CFAP221: variants seen among roughly 807,000 people sequenced by gnomAD.
CFAP221 encodes cilia- and flagella-associated protein 221.
Under a neutral mutation model 113.1 loss-of-function variants are expected in CFAP221, and 97 were observed. That is an observed-to-expected ratio of 0.86 (90% CI 0.73 to 1.02). The LOEUF (loss-of-function observed/expected upper bound fraction) is 1.02. Ranked by LOEUF, CFAP221 falls within the 50% of genes least tolerant of loss-of-function variation. The pLI, the probability that CFAP221 is intolerant of heterozygous loss-of-function variation, is 0.00. For synonymous variants in CFAP221, 331 were observed against 354.4 expected, an observed-to-expected ratio of 0.93 and a Z score of 0.74; for missense variants, 1,025 against 1,013.4, an observed-to-expected ratio of 1.01 and a Z score of -0.16.
chr2:119,564,243 G>A (rs941843433), intron 6 of CFAP221, among the ~76,000 whole-genome samples: 1 of 152,142 alleles, frequency 6.6e-6, no homozygotes, highest in African/African-American at 2.4e-5. Flanking sequence ...GTCCTTGAAT[G>A]GAACTCCAAA....
chr2:119,632,061 C>T (rs973979290), intron 19 of CFAP221, among the ~76,000 whole-genome samples: 1 of 152,088 alleles, frequency 6.6e-6, no homozygotes, highest in Non-Finnish European at 1.5e-5. Flanking sequence ...GAGGCCTTCA[C>T]TAGGGAATTC....
intron 3 of CFAP221, among the ~76,000 whole-genome samples, chr2:119,551,985 T>C (rs1202720102): frequency 6.6e-6 from 1 of 152,146 alleles, no homozygotes; most frequent in Non-Finnish European, 1.5e-5. Flanking sequence ...TTCCTCAGAA[T>C]TACATAGTTA....
Position 119,641,908 on chromosome 2 carries a change from G to A in CFAP221, c.2225+2036G>A, listed in dbSNP as rs192151220. Among the ~76,000 whole-genome samples, 14 of 152,258 alleles carry A rather than the reference G, an allele frequency of 9.2e-5. No homozygotes were observed. In the East Asian group the frequency reaches 2.3e-3, roughly 25 times the overall value. The stretch of plus-strand genomic sequence containing the variant: ...GAGGAATGGTGAGAAGTGGCGACCC[G>A]CTGACCATGTCCACCCGTTGTCAGC... On this transcript the variant is annotated intron_variant, in intron 21 of 23. Coordinates refer to ENST00000413369, the MANE Select transcript of CFAP221 (RefSeq NM_001271049.2).
intron 7 of CFAP221, among the ~76,000 whole-genome samples, chr2:119,592,094 C>T (rs1337489212): frequency 1.3e-5 from 2 of 151,614 alleles, no homozygotes; most frequent in African/African-American, 4.8e-5. Flanking sequence ...ATATCATGAA[C>T]ATTTATCCCT....
chr2:119,608,407 C>G (rs1684920782), intron 11 of CFAP221, 95 bp from the exon 12 acceptor site: 3 of 924,686 alleles, frequency 3.2e-6, no homozygotes, highest in African/African-American at 3.3e-5. Context: ...CTCAGGGTTC[C>G]TTTTCAGTTT....
At chr2:119,624,336 GTT>G (rs2104742680) in intron 14 of CFAP221, among the ~76,000 whole-genome samples, 1 of 152,332 alleles carries the variant, frequency 6.6e-6, no homozygotes, top group East Asian at 1.9e-4. Context: ...TCTCACGCCA[GTT>G]AGAATGGCAA....
intron 16 of CFAP221, among the ~76,000 whole-genome samples, chr2:119,629,575 G>A (rs1686620207): frequency 6.6e-6 from 1 of 152,196 alleles, no homozygotes; most frequent in Admixed American, 6.5e-5. Flanking sequence ...CTACACTCCT[G>A]GCAGCTAGGG....
At chr2:119,630,360 C>T (rs1390115922) in intron 17 of CFAP221, among the ~76,000 whole-genome samples, 2 of 152,186 alleles carry the variant, frequency 1.3e-5, no homozygotes, top group Non-Finnish European at 2.9e-5. Flanking sequence ...CATGAACACT[C>T]ATGTGTGCTG....
At chr2:119,573,999 C>A (rs956256865) in intron 6 of CFAP221, among the ~76,000 whole-genome samples, 1 of 152,160 alleles carries the variant, frequency 6.6e-6, no homozygotes, top group African/African-American at 2.4e-5. Context: ...TTGGGTTATT[C>A]TTTTCAAAAT....
Position 119,605,304 on chromosome 2 carries a change from ATTGT to A in CFAP221, c.1133+20_1133+23del, listed in dbSNP as rs1374116090. ...CATCTTAAGTGGTAAATATTGAGCA[ATTGT>A]TTGTATCAAGTGTCAGTACAGTTAT... On this transcript the variant is annotated intron_variant, in intron 11 of 23. Coordinates refer to ENST00000413369, the MANE Select transcript of CFAP221 (RefSeq NM_001271049.2). 1 of 1,579,310 alleles carries A rather than the reference ATTGT, an allele frequency of 6.3e-7. No individual in the cohort carries two copies.
intron 19 of CFAP221, among the ~76,000 whole-genome samples, chr2:119,636,964 C>T (rs558151517): frequency 6.6e-6 from 1 of 152,254 alleles, no homozygotes; most frequent in South Asian, 2.1e-4. Context: ...TTCACATGCC[C>T]TCAGTCAACC....
chr2:119,580,443 G>C (rs1682770557), intron 6 of CFAP221: 1 of 152,198 alleles, frequency 6.6e-6, no homozygotes, highest in South Asian at 2.1e-4. Flanking sequence ...TCCTCTCAAA[G>C]AGACATCATA....
chr2:119,555,777 T>C (rs1271867223), intron 3 of CFAP221, among the ~76,000 whole-genome samples: 3 of 152,222 alleles, frequency 2.0e-5, no homozygotes, highest in African/African-American at 7.2e-5. Flanking sequence ...ACCAGGTCAC[T>C]GTGTCTTCAT....
chr2:119,546,720 G>A (rs1177895734), intron 2 of CFAP221, among the ~76,000 whole-genome samples: 1 of 152,152 alleles, frequency 6.6e-6, no homozygotes, highest in African/African-American at 2.4e-5. Flanking sequence ...TGTCCACCCA[G>A]CACCATCCCC....
Position 119,587,190 on chromosome 2 carries a change from C to T in CFAP221, c.599C>T (p.Ser200Phe), listed in dbSNP as rs1574067349. The change falls in exon 7 of 24, where the codon TCT (serine) becomes TTT (phenylalanine). Residue 200 changes from serine (S) to phenylalanine (F), a missense_variant. Physicochemically the swap from Ser to Phe is radical, Grantham distance 155 (BLOSUM62 -2). Coordinates refer to ENST00000413369, the MANE Select transcript of CFAP221 (RefSeq NM_001271049.2). Reference protein sequence around the residue: ...DFEFYITLIQSHQAFAIEPTS... With the variant: ...DFEFYITLIQFHQAFAIEPTS... The stretch of plus-strand genomic sequence containing the variant: ...GAGTTTTATATCACCTTGATTCAGT[C>T]TCATCAAGCCTTTGCTATTGAGCCA... 6.5e-7 allele frequency: 1 copy of T among 1,531,732 alleles called. No individual in the cohort carries two copies. The highest frequency in any genetic ancestry group is 1.2e-5 in the South Asian group (1 of 83,154). 94.9% of individuals were successfully genotyped at this position (1,531,732 alleles called of 1,614,324 possible).
At chr2:119,595,421 T>A in intron 7 of CFAP221, among the ~76,000 whole-genome samples, 1 of 152,234 alleles carries the variant, frequency 6.6e-6, no homozygotes, top group East Asian at 1.9e-4. Flanking sequence ...TTTTTTTTCC[T>A]TACCATTTTT....
At position 119,575,153 on chromosome 2, in the gene CFAP221, G is replaced by GT. The variant is rs1682349751; in HGVS notation, c.528-11961dup. Reference sequence around the variant, plus strand: ...ACTCTAAGAGAAAAGGCTAGCAGCAGTTTTTAGTGTGTCCTCTTATCTTTC... The same window carrying GT: ...ACTCTAAGAGAAAAGGCTAGCAGCAGTTTTTTAGTGTGTCCTCTTATCTTTC... On this transcript the variant is annotated intron_variant, in intron 6 of 23. Transcript: ENST00000413369. Among the ~76,000 whole-genome samples, 3 of 152,312 alleles carry GT rather than the reference G, an allele frequency of 2.0e-5. No individual in the cohort carries two copies. In the South Asian group the frequency reaches 6.2e-4, roughly 32 times the overall value.
intron 21 of CFAP221, among the ~76,000 whole-genome samples, 174 bp downstream of exon 21, chr2:119,640,046 T>C (rs1687388458): frequency 6.6e-6 from 1 of 152,238 alleles, no homozygotes; most frequent in Admixed American, 6.5e-5. Context: ...ATTTGGAATT[T>C]ATCTTGAGAT....
intron 11 of CFAP221, among the ~76,000 whole-genome samples, chr2:119,607,520 A>G (rs1215955559): frequency 6.6e-6 from 1 of 152,252 alleles, no homozygotes; most frequent in African/African-American, 2.4e-5. Context: ...AAATTGTGAT[A>G]AAATTCATCA....
Sources: gnomAD v4.1 joint callset for allele counts (sites outside exome capture counted in the v4.1 genomes callset) on GRCh38, gnomAD v4.1.1 for gene constraint, MANE v1.5 for transcripts, NCBI Gene and HGNC (gene_info 2026-07-23, HGNC 2026-07-21) for gene names.